The following TJP1 variants were observed in gnomAD, a reference collection of about 807,000 sequenced individuals.
The protein encoded by TJP1 is tight junction protein ZO-1.
In TJP1, 43 loss-of-function variants were observed where a neutral mutation model predicts 194.2. The ratio of observed to expected loss-of-function variants is 0.22; its 90% CI spans 0.17 to 0.29. TJP1 has a LOEUF of 0.29. TJP1 is among the 10% of genes least tolerant of loss of function. TJP1 has a pLI of 1.00. For synonymous variants in TJP1, 801 were observed against 779.0 expected (o/e 1.03, Z -0.47); for missense variants, 1,971 against 2,185.7 (o/e 0.90, Z 1.96).
intron 5 of TJP1, among the ~76,000 whole-genome samples, chr15:29,763,016 T>C (rs2046106938): frequency 6.6e-6 from 1 of 152,192 alleles, no homozygotes; most frequent in Non-Finnish European, 1.5e-5. Context: ...TCCCAGCTCC[T>C]AGACCAAAAA....
rs549166544 is a variant in TJP1, at chr15:29,902,852, G to A, written c.306+53380C>T. Among the ~76,000 whole-genome samples, 11 of 152,262 alleles carry A rather than the reference G, an allele frequency of 7.2e-5. No individual in the cohort carries two copies. The South Asian group carries it at 1.0e-3, about 14-fold the overall frequency. On this transcript the variant is annotated intron_variant, in intron 2 of 28. Transcript: ENST00000356107. ...AGATCGAGACCATCCTGGCCAACAC[G>A]GTGAAACCCTGTCTCTACTAAAAAT...
At position 29,812,678 on chromosome 15, in the gene TJP1, T is replaced by A. The variant is rs530883031; in HGVS notation, c.27+9324A>T. On this transcript the variant is annotated intron_variant, in intron 1 of 27. Coordinates refer to ENST00000614355, the MANE Select transcript of TJP1 (RefSeq NM_001330239.4). ...GACTTATAGAACATGTAAGTAGATG[T>A]ATGATTACCTATGGCAAGTAAATTT... Among the ~76,000 whole-genome samples, 15 of 152,350 alleles carry A rather than the reference T, an allele frequency of 9.8e-5. No homozygotes were observed. In the East Asian group the frequency reaches 2.9e-3, roughly 29 times the overall value.
chr15:29,710,872 C>T lies in TJP1; in HGVS notation c.4331G>A (p.Ser1444Asn). 5 of 1,614,092 alleles carry T rather than the reference C, an allele frequency of 3.1e-6. No individual in the cohort carries two copies. Among genetic ancestry groups the T allele is most frequent in the Non-Finnish European group, 4.2e-6 (5 of 1,180,046 alleles). Residue 1444 changes from serine (S) to asparagine (N), a missense_variant, in exon 24 of 28, where the codon AGC (serine) becomes AAC (asparagine). By Grantham distance (46) the Ser-to-Asn change is conservative. Around this residue, in one of 5 missense-constraint regions of TJP1, gnomAD observed 1,108 missense variants for 1,128.5 expected, o/e 0.98. Transcript: ENST00000614355. ...CTTAGAATGTATGTGGAGAGACGCG[C>T]TGGTGACAGGCTGAGATGGCTGGGC... ...QYAQPSQPVT[S>N]ASLHIHSKGA...
intron 2 of TJP1, among the ~76,000 whole-genome samples, chr15:29,921,121 G>A (rs1210669207): frequency 1.3e-5 from 2 of 152,144 alleles, no homozygotes; most frequent in African/African-American, 4.8e-5. Context: ...GGGAGAGTGG[G>A]AGGGAGGGAC....
At chr15:29,733,880 G>GA (rs529783109) in intron 12 of TJP1, among the ~76,000 whole-genome samples, 19 of 152,088 alleles carry the variant, frequency 1.2e-4, no homozygotes, top group South Asian at 4.1e-4. Context: ...TTGTATCACA[G>GA]AAAAAATGGA....
At chr15:29,742,902 T>C (rs2044518534) in intron 8 of TJP1, 121 bp from the exon 9 acceptor site, 2 of 799,816 alleles carry the variant, frequency 2.5e-6, no homozygotes, top group East Asian at 6.4e-5. Context: ...CTCTAACAGA[T>C]ACCAAAATAT....
At chr15:29,758,076 CTTACT>C (rs2045762425) in intron 8 of TJP1, among the ~76,000 whole-genome samples, 2 of 152,282 alleles carry the variant, frequency 1.3e-5, no homozygotes, top group Middle Eastern at 3.4e-3. Context: ...TTTTCTTTAG[CTTACT>C]TTAAGAATAC....
chr15:29,762,566 T>C, intron 5 of TJP1, 128 bp from the exon 6 acceptor site: 1 of 633,614 alleles, frequency 1.6e-6, no homozygotes, highest in South Asian at 2.5e-5. Flanking sequence ...CAAGAAATAT[T>C]TCTTGGCCAT....
intron 2 of TJP1, among the ~76,000 whole-genome samples, chr15:29,898,737 T>C (rs1162421477): frequency 6.6e-6 from 1 of 152,238 alleles, no homozygotes; most frequent in African/African-American, 2.4e-5. Context: ...TTACGGATGC[T>C]CTACCTGTTA....
chr15:29,737,182 A>G (rs1595697669), intron 11 of TJP1, 82 bp downstream of exon 11: 1 of 1,507,732 alleles, frequency 6.6e-7, no homozygotes, highest in Non-Finnish European at 9.0e-7. Context: ...CAATCTAATT[A>G]CAATAGTAAG....
intron 1 of TJP1, among the ~76,000 whole-genome samples, chr15:29,965,460 T>C (rs2152326441): frequency 6.6e-6 from 1 of 152,234 alleles, no homozygotes; most frequent in African/African-American, 2.4e-5. Context: ...GGTCCACCCA[T>C]CTTGGTCTCT....
At chr15:29,711,113 A>C in intron 23 of TJP1, 113 bp from the exon 24 acceptor site, 1 of 1,268,072 alleles carries the variant, frequency 7.9e-7, no homozygotes, top group Non-Finnish European at 1.1e-6. Context: ...AAATTTCACA[A>C]TTTATTCTCA....
intron 2 of TJP1, among the ~76,000 whole-genome samples, chr15:29,887,193 T>A (rs1490242020): frequency 6.6e-6 from 1 of 151,238 alleles, no homozygotes; most frequent in Non-Finnish European, 1.5e-5. Context: ...GTGAAATATA[T>A]TCCACATGAA....
At chr15:29,822,609 AGCGC>A (rs2050495466), upstream of TJP1, 2 of 488,800 alleles carry the variant, frequency 4.1e-6, no homozygotes, top group Admixed American at 1.3e-4. Context: ...CCCGACCCCA[AGCGC>A]GGAAGGAAAA....
At chr15:29,928,798 T>C (rs902881824) in intron 2 of TJP1, among the ~76,000 whole-genome samples, 5 of 151,916 alleles carry the variant, frequency 3.3e-5, no homozygotes, top group Admixed American at 1.3e-4. Context: ...AAAAATTAGC[T>C]GGGCGTGGTG....
chr15:29,712,362 C>T (rs1267331384), intron 23 of TJP1, among the ~76,000 whole-genome samples: 1 of 152,206 alleles, frequency 6.6e-6, no homozygotes, highest in East Asian at 1.9e-4. Flanking sequence ...AGTCTTACCA[C>T]TTGACGTTCC....
At chr15:29,782,509 T>C (rs1463796430) in intron 2 of TJP1, among the ~76,000 whole-genome samples, 2 of 152,218 alleles carry the variant, frequency 1.3e-5, no homozygotes, top group Admixed American at 6.5e-5. Flanking sequence ...AGATTGAAAC[T>C]GGAACCCTTC....
rs745313411 is a variant in TJP1, at chr15:29,718,575, C to T, written c.3567G>A (p.Lys1189=). The change falls in exon 21 of 28, where the codon AAG becomes AAA. Residue 1189 remains lysine (K), a synonymous_variant. Coordinates refer to ENST00000614355, the MANE Select transcript of TJP1 (RefSeq NM_001330239.4). ...TGCGTGAATATTGCTCAAAATACTGCTTGGACTCTGCAGGCTTGGGCCCTG... is the reference window on the plus strand; with the variant it reads ...TGCGTGAATATTGCTCAAAATACTGTTTGGACTCTGCAGGCTTGGGCCCTG... ...PSAGPKPAES[K]QYFEQYSRSY... 1.2e-6 allele frequency: 2 copies of T among 1,614,152 alleles called. No homozygotes were observed. Among genetic ancestry groups the T allele is most frequent in the East Asian group, 4.5e-5 (2 of 44,872 alleles).
intron 2 of TJP1, among the ~76,000 whole-genome samples, chr15:29,857,944 G>A (rs183567341): frequency 0.015 from 2,245 of 152,100 alleles, 21 homozygotes; most frequent in Non-Finnish European, 0.018. Context: ...TGTATTTTTC[G>A]TAGAGACGGG....
Sources: allele counts gnomAD v4.1 joint callset (sites outside exome capture counted in the v4.1 genomes callset), GRCh38; gene constraint gnomAD v4.1.1; regional missense constraint gnomAD v4.1.1; transcripts MANE v1.5; gene names NCBI Gene and HGNC (gene_info 2026-07-23, HGNC 2026-07-21).